Variants in DYM observed in about 807,000 individuals in gnomAD.
DYM encodes dymeclin.
A neutral mutation model predicts 93.1 loss-of-function variants in DYM; 78 were observed. That is an observed-to-expected ratio of 0.84 (90% CI 0.70 to 1.01). The LOEUF is 1.01. Among genes scored for constraint, DYM ranks in the 50% least tolerant of loss-of-function variants. The pLI is 0.00. For missense variants in DYM, 789 were observed against 845.0 expected (o/e 0.93, Z 0.82); for synonymous variants, 321 against 319.7 (o/e 1.00, Z -0.04).
intron 2 of DYM, among the ~76,000 whole-genome samples, chr18:49,393,091 G>GGGAAGGAA (rs748930950): frequency 2.7e-5 from 1 of 36,934 alleles, no homozygotes. Context: ...AAGGGAGGGA[G>GGGAAGGAA]GGAAGGAAGG....
At chr18:49,117,589 C>A (rs2145959257) in intron 16 of DYM, among the ~76,000 whole-genome samples, 1 of 152,104 alleles carries the variant, frequency 6.6e-6, no homozygotes, top group African/African-American at 2.4e-5. Context: ...CTAGACTTTT[C>A]TTGGTTGTAT....
At chr18:49,156,580 A>T (rs1046259556) in intron 15 of DYM, among the ~76,000 whole-genome samples, 5 of 151,884 alleles carry the variant, frequency 3.3e-5, no homozygotes, top group Non-Finnish European at 7.4e-5. Flanking sequence ...AAAAATACAA[A>T]TATGAGTAGG....
intron 14 of DYM, among the ~76,000 whole-genome samples, chr18:49,200,602 T>C (rs976402837): frequency 2.0e-5 from 3 of 151,998 alleles, no homozygotes; most frequent in Non-Finnish European, 4.4e-5. Context: ...TTCTATTTTG[T>C]TCCTAAATAT....
At chr18:49,418,523 T>G (rs1347127595) in intron 2 of DYM, among the ~76,000 whole-genome samples, 1 of 152,204 alleles carries the variant, frequency 6.6e-6, no homozygotes, top group African/African-American at 2.4e-5. Context: ...AAAATCTGAT[T>G]ACTCTGATGC....
At chr18:49,214,800 G>T (rs752125463) in intron 13 of DYM, among the ~76,000 whole-genome samples, 5 of 152,132 alleles carry the variant, frequency 3.3e-5, no homozygotes, top group Non-Finnish European at 7.4e-5. Context: ...TGAAAGGGAT[G>T]ATACTAATAA....
intron 15 of DYM, among the ~76,000 whole-genome samples, chr18:49,156,126 A>C (rs2086390020): frequency 1.3e-5 from 2 of 152,204 alleles, no homozygotes; most frequent in African/African-American, 4.8e-5. Context: ...TTTGATCTGC[A>C]TTTCCTTAAT....
chr18:49,104,584 C>T (rs1191996787), intron 16 of DYM, among the ~76,000 whole-genome samples: 1 of 152,138 alleles, frequency 6.6e-6, no homozygotes, highest in African/African-American at 2.4e-5. Flanking sequence ...TGAGATACGT[C>T]CCATCAATAC....
chr18:49,041,443 AAACT>A lies in DYM; in HGVS notation c.*2608_*2611del, dbSNP rs1271302244. ...TTACTTCGTGTAAAAATTTCTAAGC[AAACT>A]AATACTCAAAATTAATGCAAGTATA... On this transcript the variant is annotated 3_prime_UTR_variant, in exon 18 of 18. Transcript: ENST00000675505. 1 of 152,216 alleles carries A rather than the reference AAACT, an allele frequency of 6.6e-6. No homozygotes were observed. The highest frequency in any genetic ancestry group is 2.4e-5 in the African/African-American group (1 of 41,464). The allele number at this position is 152,216 out of a possible 1,614,324, so 9.4% of individuals were successfully genotyped here.
At chr18:49,286,409 A>T (rs1289281354) in intron 9 of DYM, 25 bp downstream of exon 9, 2 of 1,612,122 alleles carry the variant, frequency 1.2e-6, no homozygotes, top group Admixed American at 3.3e-5. Flanking sequence ...ATTACAAAGA[A>T]TATTAGAGAA....
rs540973043 is a variant in DYM, at chr18:49,303,389, T to C, written c.764-16773A>G. ...GAGCAGGAATGTCATTCTAATACTG[T>C]ATAATGAGAGGTTTACAAAGTCCTG... On this transcript the variant is annotated intron_variant, in intron 8 of 17. Coordinates refer to ENST00000675505, the MANE Select transcript of DYM (RefSeq NM_001353214.3). 5.9e-5 allele frequency among the ~76,000 whole-genome samples: 9 copies of C among 152,274 alleles called. No homozygotes were observed. The South Asian group carries it at 1.5e-3, about 25-fold the overall frequency.
At chr18:49,112,422 C>T (rs2081504989) in intron 16 of DYM, among the ~76,000 whole-genome samples, 1 of 152,154 alleles carries the variant, frequency 6.6e-6, no homozygotes, top group African/African-American at 2.4e-5. Context: ...ATGGTGGCTA[C>T]CTACCCCTGT....
chr18:49,126,094 C>T (rs2082792638), intron 15 of DYM: 1 of 152,180 alleles, frequency 6.6e-6, no homozygotes, highest in Non-Finnish European at 1.5e-5. Flanking sequence ...GTAATCCTTG[C>T]AACTAATTCA....
intron 14 of DYM, among the ~76,000 whole-genome samples, chr18:49,190,082 G>A (rs1344446646): frequency 6.6e-6 from 1 of 152,160 alleles, no homozygotes; most frequent in African/African-American, 2.4e-5. Context: ...GATAATCACA[G>A]AACAGATAAC....
chr18:49,436,873 G>C (rs1024003830), intron 1 of DYM, among the ~76,000 whole-genome samples: 1 of 152,114 alleles, frequency 6.6e-6, no homozygotes, highest in Non-Finnish European at 1.5e-5. Context: ...CAGTTAAATA[G>C]ACCAGTATCT....
At chr18:49,154,198 C>G (rs142565861) in intron 15 of DYM, among the ~76,000 whole-genome samples, 1 of 152,134 alleles carries the variant, frequency 6.6e-6, no homozygotes, top group East Asian at 1.9e-4. Context: ...GGAGACATGA[C>G]AAGGAAATTT....
At chr18:49,320,957 T>G (rs1239643332) in intron 8 of DYM, among the ~76,000 whole-genome samples, 5 of 152,184 alleles carry the variant, frequency 3.3e-5, no homozygotes, top group African/African-American at 4.8e-5. Context: ...TTGAATAAAT[T>G]TAATCTTTAA....
chr18:49,409,654 A>G (rs1044276259), intron 2 of DYM, among the ~76,000 whole-genome samples: 5 of 152,312 alleles, frequency 3.3e-5, no homozygotes, highest in South Asian at 4.1e-4. Flanking sequence ...GTTGGTAGGG[A>G]AAAAAAGCCT....
chr18:49,287,694 A>G (rs1323226396), intron 8 of DYM, among the ~76,000 whole-genome samples: 1 of 151,896 alleles, frequency 6.6e-6, no homozygotes, highest in African/African-American at 2.4e-5. Flanking sequence ...AATACAAAAA[A>G]ATTAGCCAGG....
At chr18:49,425,026 A>G (rs1275758616) in intron 2 of DYM, among the ~76,000 whole-genome samples, 1 of 152,192 alleles carries the variant, frequency 6.6e-6, no homozygotes, top group Non-Finnish European at 1.5e-5. Context: ...CTTTCTTTAC[A>G]GAATTGGAAA....
Sources: allele counts gnomAD v4.1 joint callset (sites outside exome capture counted in the v4.1 genomes callset), GRCh38; gene constraint gnomAD v4.1.1; transcripts MANE v1.5; gene names NCBI Gene and HGNC (gene_info 2026-07-23, HGNC 2026-07-21).